The following CCDC40 variants were observed in gnomAD, a reference collection of about 807,000 sequenced individuals.
CCDC40 encodes the protein coiled-coil domain-containing protein 40.
Under a neutral mutation model 124.5 loss-of-function variants are expected in CCDC40, and 104 were observed. The observed-to-expected ratio is 0.84, with a 90% confidence interval of 0.71 to 0.98. The LOEUF (loss-of-function observed/expected upper bound fraction) is 0.98. Ranked by LOEUF, CCDC40 falls within the 50% of genes least tolerant of loss-of-function variation. The probability of loss-of-function intolerance (pLI) is 0.00; values close to 1 mark genes in which losing one functional copy is unlikely to be tolerated. For synonymous variants in CCDC40, 580 were observed against 602.9 expected, an observed-to-expected ratio of 0.96 and a Z score of 0.56; for missense variants, 1,463 against 1,503.9, an observed-to-expected ratio of 0.97 and a Z score of 0.45.
At chr17:80,037,127 G>A (rs967766094) in intron 1 of CCDC40, among the ~76,000 whole-genome samples, 5 of 152,142 alleles carry the variant, frequency 3.3e-5, no homozygotes, top group Non-Finnish European at 5.9e-5. Context: ...CCGGAGACCA[G>A]CCCGGCCCCG....
chr17:80,065,018 C>T (rs2038000017), intron 9 of CCDC40, among the ~76,000 whole-genome samples: 1 of 149,960 alleles, frequency 6.7e-6, no homozygotes, highest in South Asian at 2.1e-4. Flanking sequence ...CCTCTCCCTC[C>T]TCCTCTCCCT....
Position 80,081,925 on chromosome 17 carries a change from A to G in CCDC40, c.1856A>G (p.Gln619Arg). The change falls in exon 12 of 20, where the codon CAG becomes CGG. Residue 619 changes from glutamine to arginine, a missense_variant. Coordinates refer to ENST00000397545, the MANE Select transcript of CCDC40 (RefSeq NM_017950.4). ...TTGCAGGCCATCCGCCAAGCCATCC[A>G]GGGCGAGCTGGAGCTCAGGAGGAAG... ...EELQAIRQAI[Q>R]GELELRRKTD... is the part of the protein sequence containing the mutation. The G allele has an allele frequency of 6.2e-7, 1 of 1,614,004 alleles. No individual in the cohort carries two copies. The highest frequency in any genetic ancestry group is 8.5e-7 in the Non-Finnish European group (1 of 1,179,956).
In CCDC40 at chr17:80,065,694, C is replaced by T. The variant is rs377404473; in HGVS notation, c.1562+88C>T. ...CCCACACCCCCTCTCTCTGGGTCCA[C>T]CGGATCTCTGGGACAGAGGGTGCAC... On this transcript the variant is annotated intron_variant, in intron 10 of 19. Transcript: ENST00000397545. The T allele has an allele frequency of 1.9e-5, 29 of 1,557,092 alleles. 1 individual carries two copies. The highest frequency in any genetic ancestry group is 1.6e-4 in the East Asian group (7 of 44,474).
intron 4 of CCDC40, 162 bp from the exon 5 acceptor site, chr17:80,048,421 G>A: frequency 1.5e-6 from 1 of 684,930 alleles, no homozygotes; most frequent in South Asian, 1.6e-5. Flanking sequence ...AAGATGGGGT[G>A]AATGATGTTT....
At chr17:80,072,690 CTT>C (rs1244763428) in intron 10 of CCDC40, among the ~76,000 whole-genome samples, 1 of 152,154 alleles carries the variant, frequency 6.6e-6, no homozygotes, top group Admixed American at 6.5e-5. Context: ...TGTAGCTTTT[CTT>C]GTCTGGCTTC....
chr17:80,058,106 G>A lies in CCDC40; in HGVS notation c.1160-388G>A, dbSNP rs1343001544. Among the ~76,000 whole-genome samples the A allele has an allele frequency of 6.6e-6, 1 of 152,110 alleles. No homozygotes were observed. The highest frequency in any genetic ancestry group is 1.5e-5 in the Non-Finnish European group (1 of 68,030). On this transcript the variant is annotated intron_variant, in intron 7 of 19. Coordinates refer to ENST00000397545, the MANE Select transcript of CCDC40 (RefSeq NM_017950.4). The surrounding 1 kb of genome is among the most constrained non-coding windows in gnomAD (Gnocchi z 4.2). ...CCCTGGATGTTCTCGTCTCCTCCCAGGGGACTTAAGACTCCACCTAAGGTT... is the reference window on the plus strand; with the variant it reads ...CCCTGGATGTTCTCGTCTCCTCCCAAGGGACTTAAGACTCCACCTAAGGTT...
At chr17:80,089,617 C>A (rs1419970474) in intron 16 of CCDC40, 147 bp from the exon 17 acceptor site, 26 of 840,800 alleles carry the variant, frequency 3.1e-5, no homozygotes, top group Non-Finnish European at 4.5e-5. Context: ...GTGAACACTT[C>A]AGGCTTTGAG....
chr17:80,063,894 T>C (rs1351709226), intron 9 of CCDC40, among the ~76,000 whole-genome samples: 1 of 152,210 alleles, frequency 6.6e-6, no homozygotes, highest in East Asian at 1.9e-4. Context: ...TGGAGGTGAC[T>C]GATACGCTAA....
At chr17:80,079,456 C>T (rs2038396032) in intron 10 of CCDC40, among the ~76,000 whole-genome samples, 1 of 152,132 alleles carries the variant, frequency 6.6e-6, no homozygotes, top group African/African-American at 2.4e-5. Flanking sequence ...TATTCCATGT[C>T]AGAACACATA....
chr17:80,045,891 C>T (rs34681986), intron 3 of CCDC40, among the ~76,000 whole-genome samples: 34,905 of 151,376 alleles, frequency 0.23, 4,584 homozygotes, highest in Middle Eastern at 0.38. Context: ...AACTGCCTGT[C>T]GAAACTTGGA....
Position 80,068,928 on chromosome 17 carries a change from G to C in CCDC40, c.1562+3322G>C, listed in dbSNP as rs1029773299. Among the ~76,000 whole-genome samples the C allele has an allele frequency of 7.7e-4, 117 of 152,372 alleles. 2 individuals carry two copies. The highest frequency in any genetic ancestry group is 1.9e-4 in the East Asian group (1 of 5,188). The stretch of plus-strand genomic sequence containing the variant: ...CAGACCCCTGCTCAGGGACCGGCTA[G>C]AGGGCGGAATGCCTGGGCCCCGGCC... On this transcript the variant is annotated intron_variant, in intron 10 of 19. Transcript: ENST00000397545.
intron 10 of CCDC40, among the ~76,000 whole-genome samples, chr17:80,073,012 G>GTTTGTTTGTTTT (rs1166963580): frequency 5.1e-4 from 76 of 149,860 alleles, no homozygotes; most frequent in Non-Finnish European, 8.1e-4. Context: ...TTGTTTGTTT[G>GTTTGTTTGTTTT]TTTGTTTTTG....
intron 10 of CCDC40, among the ~76,000 whole-genome samples, chr17:80,080,971 C>T (rs1598532105): frequency 6.6e-6 from 1 of 152,118 alleles, no homozygotes; most frequent in African/African-American, 2.4e-5. Context: ...GATAGATGGC[C>T]GGTTCCCCTG....
chr17:80,037,848 T>G (rs922225076), intron 1 of CCDC40: 10 of 370,298 alleles, frequency 2.7e-5, no homozygotes, highest in African/African-American at 2.1e-4. Context: ...TTGAGGTGAC[T>G]TTTCTGGGGT....
chr17:80,050,955 C>G (rs1363914074), intron 7 of CCDC40, among the ~76,000 whole-genome samples: 2 of 152,166 alleles, frequency 1.3e-5, no homozygotes, highest in East Asian at 3.9e-4. Flanking sequence ...CAGACCATGG[C>G]CCAGGGCCTG....
rs760027732 is a variant in CCDC40 at position 80,095,366 on chromosome 17, G to A, written c.2936G>A (p.Arg979His). ...ETVTTQAEGQ[R>H]KMDRKALTRT... ...GTCACCACCCAGGCCGAGGGGCAGCGCAAGATGGACAGGAAGGCGCTCACC... is the reference window on the plus strand; with the variant it reads ...GTCACCACCCAGGCCGAGGGGCAGCACAAGATGGACAGGAAGGCGCTCACC... Residue 979 changes from arginine (R) to histidine (H), a missense_variant, in exon 18 of 20, where the codon CGC (arginine) becomes CAC (histidine). Transcript: ENST00000397545. The A allele has an allele frequency of 3.5e-5, 56 of 1,614,016 alleles. No homozygotes were observed. The highest frequency in any genetic ancestry group is 5.0e-5 in the Admixed American group (3 of 60,014).
At chr17:80,039,080 G>C (rs1173207089) in intron 2 of CCDC40, among the ~76,000 whole-genome samples, 1 of 151,340 alleles carries the variant, frequency 6.6e-6, no homozygotes, top group Non-Finnish European at 1.5e-5. Context: ...ATGAAAAGCA[G>C]AGAGGGCCAG....
intron 10 of CCDC40, among the ~76,000 whole-genome samples, chr17:80,071,936 A>G (rs1363403842): frequency 6.9e-6 from 1 of 144,300 alleles, no homozygotes; most frequent in African/African-American, 2.6e-5. Context: ...TCCTGGGTTC[A>G]AGTGATTCTC....
chr17:80,089,439 T>G, intron 16 of CCDC40: 1 of 349,624 alleles, frequency 2.9e-6, no homozygotes, highest in South Asian at 2.5e-5. Context: ...TTCAGGCTTT[T>G]TACTTTTTCT....
Sources: gnomAD v4.1 joint callset for allele counts (sites outside exome capture counted in the v4.1 genomes callset) on GRCh38, gnomAD v4.1.1 for gene constraint, Gnocchi (gnomAD v3.1) non-coding constraint, MANE v1.5 for transcripts, NCBI Gene and HGNC (gene_info 2026-07-23, HGNC 2026-07-21) for gene names.